NTNG1: variants seen among roughly 807,000 people sequenced by gnomAD.
NTNG1 encodes the protein netrin G1.
Under a neutral mutation model 54.0 loss-of-function variants are expected in NTNG1, and 16 were observed. The observed-to-expected ratio is 0.30, with a 90% confidence interval of 0.20 to 0.45. The LOEUF is 0.45. Ranked by LOEUF, NTNG1 falls within the 20% of genes least tolerant of loss-of-function variation. The pLI is 1.00. For synonymous variants in NTNG1, 255 were observed against 263.1 expected (o/e 0.97, Z 0.30); for missense variants, 530 against 678.7 (o/e 0.78, Z 2.43).
At chr1:107,377,837 A>T (rs1671394590) in intron 3 of NTNG1, among the ~76,000 whole-genome samples, 1 of 152,224 alleles carries the variant, frequency 6.6e-6, no homozygotes, top group Admixed American at 6.5e-5. Flanking sequence ...CAGAAAGCTT[A>T]CCATCTCAAG....
chr1:107,144,364 A>T (rs1570696178), intron 1 of NTNG1, among the ~76,000 whole-genome samples: 1 of 152,042 alleles, frequency 6.6e-6, no homozygotes, highest in Non-Finnish European at 1.5e-5. Flanking sequence ...TATTTCAGGT[A>T]CCCCTGAAAA....
At position 107,462,259 on chromosome 1, in the gene NTNG1, G is replaced by A. The variant is rs553936949; in HGVS notation, c.1391-18352G>A. ...AAGTAATAGCATTCACAGCATTCCA[G>A]CATATAGACCTCGAACAGAACATAA... is the stretch of plus-strand genomic sequence containing the variant. On this transcript the variant is annotated intron_variant, in intron 7 of 7. Coordinates refer to ENST00000370068, the MANE Select transcript of NTNG1 (RefSeq NM_001113226.3). Among the ~76,000 whole-genome samples the A allele has an allele frequency of 2.1e-4, 32 of 152,298 alleles. No homozygotes were observed. The South Asian group carries it at 5.6e-3, about 27-fold the overall frequency.
Position 107,148,430 on chromosome 1 carries a change from T to G in NTNG1, c.-164T>G. On this transcript the variant is annotated 5_prime_UTR_variant, in exon 2 of 8. Transcript: ENST00000370068. Reference sequence around the variant, plus strand: ...TATCTTAACTCTTCATATTTGGTTTTGGGATCTGCTTTGAGGTCCCATCTT... The same window carrying G: ...TATCTTAACTCTTCATATTTGGTTTGGGGATCTGCTTTGAGGTCCCATCTT... 1.6e-6 allele frequency: 1 copy of G among 633,472 alleles called. No individual in the cohort carries two copies. The highest frequency in any genetic ancestry group is 2.0e-5 in the South Asian group (1 of 50,472). The allele number at this position is 633,472 out of a possible 1,614,324, so 39.2% of individuals were successfully genotyped here.
rs561715707 is a variant in NTNG1, at chr1:107,483,166, C to G, written c.*2326C>G. 2.0e-5 allele frequency: 3 copies of G among 152,300 alleles called. No homozygotes were observed. In the East Asian group the frequency reaches 5.8e-4, roughly 29 times the overall value. 9.4% of individuals were successfully genotyped at this position (152,300 alleles called of 1,614,324 possible). A position where few individuals can be genotyped will look rare whatever the true frequency, so the allele number is the denominator to read the frequency against. On this transcript the variant is annotated 3_prime_UTR_variant, in exon 8 of 8. Coordinates refer to ENST00000370068, the MANE Select transcript of NTNG1 (RefSeq NM_001113226.3). ...TTGTCTTATAGTTTATTAGCACAAACCAAAGGCAGCCCATGTTATTTCTGG... is the reference window on the plus strand; with the variant it reads ...TTGTCTTATAGTTTATTAGCACAAAGCAAAGGCAGCCCATGTTATTTCTGG...
At chr1:107,175,089 C>G (rs1656546868) in intron 2 of NTNG1, among the ~76,000 whole-genome samples, 1 of 152,146 alleles carries the variant, frequency 6.6e-6, no homozygotes, top group South Asian at 2.1e-4. Flanking sequence ...ACGATTTTCA[C>G]AACCAAATTG....
In NTNG1 at chr1:107,343,444, T is replaced by C. The variant is rs553795012; in HGVS notation, c.887+18522T>C. On this transcript the variant is annotated intron_variant, in intron 3 of 7. Transcript: ENST00000370068. The stretch of plus-strand genomic sequence containing the variant: ...GAAGATCTTCAAGCCCACAATTTCT[T>C]TGAAGCCAAATGCAAGGTATGATTA... Among the ~76,000 whole-genome samples the C allele has an allele frequency of 2.6e-5, 4 of 152,110 alleles. No individual in the cohort carries two copies. In the East Asian group the frequency reaches 5.8e-4, roughly 22 times the overall value.
At chr1:107,309,662 T>C (rs532959631) in intron 2 of NTNG1, among the ~76,000 whole-genome samples, 12 of 152,274 alleles carry the variant, frequency 7.9e-5, no homozygotes, top group African/African-American at 2.2e-4. Flanking sequence ...ACTTCCAACA[T>C]TGGACTCAAC....
chr1:107,147,127 C>T (rs1469393926), intron 1 of NTNG1, among the ~76,000 whole-genome samples: 3 of 152,090 alleles, frequency 2.0e-5, no homozygotes, highest in Non-Finnish European at 4.4e-5. Flanking sequence ...CAGTTAAACT[C>T]ACCAATGACT....
intron 7 of NTNG1, among the ~76,000 whole-genome samples, chr1:107,453,274 C>T (rs558827424): frequency 6.6e-6 from 1 of 152,254 alleles, no homozygotes; most frequent in African/African-American, 2.4e-5. Flanking sequence ...TCTTTTTCAT[C>T]AAGAAGGCAA....
At chr1:107,245,963 T>C (rs1319720897) in intron 2 of NTNG1, among the ~76,000 whole-genome samples, 2 of 152,236 alleles carry the variant, frequency 1.3e-5, no homozygotes, top group Non-Finnish European at 2.9e-5. Flanking sequence ...CAAAATTTAT[T>C]TCATATATAT....
At chr1:107,472,266 C>T (rs530767789) in intron 7 of NTNG1, among the ~76,000 whole-genome samples, 2 of 152,338 alleles carry the variant, frequency 1.3e-5, no homozygotes, top group African/African-American at 2.4e-5. Flanking sequence ...GACTCTATTA[C>T]ACAAGACCAT....
chr1:107,312,162 A>G (rs1667055820), intron 2 of NTNG1, among the ~76,000 whole-genome samples: 1 of 152,196 alleles, frequency 6.6e-6, no homozygotes, highest in Non-Finnish European at 1.5e-5. Context: ...CAGAAGAAAT[A>G]TATTTTTAAA....
intron 2 of NTNG1, among the ~76,000 whole-genome samples, chr1:107,260,447 A>T (rs1328582957): frequency 6.6e-6 from 1 of 152,198 alleles, no homozygotes; most frequent in Non-Finnish European, 1.5e-5. Flanking sequence ...CTACCCTGCC[A>T]CCAACAATAG....
chr1:107,407,704 T>G lies in NTNG1; in HGVS notation c.1083T>G (p.Ile361Met). Residue 361 changes from isoleucine (I) to methionine (M), a missense_variant, in exon 5 of 8, where the codon ATT becomes ATG. Ile to Met is a conservative substitution (Grantham distance 10). Coordinates refer to ENST00000370068, the MANE Select transcript of NTNG1 (RefSeq NM_001113226.3). ...CAGGTATCCCCAGTATTTCCAGTAT[T>G]GGTAGTAAGTAAAAACAAAAACAAA... ...ANTCIPSISS[I>M]GNCECFGHSN... 1 of 1,609,692 alleles carries G rather than the reference T, an allele frequency of 6.2e-7. No individual in the cohort carries two copies. Among genetic ancestry groups the G allele is most frequent in the Non-Finnish European group, 8.5e-7 (1 of 1,177,228 alleles).
chr1:107,425,317 T>G (rs559615339), intron 5 of NTNG1, among the ~76,000 whole-genome samples: 1 of 152,188 alleles, frequency 6.6e-6, no homozygotes, highest in East Asian at 1.9e-4. Context: ...TACCAGTAGG[T>G]AATTTTTCAA....
At position 107,420,281 on chromosome 1, in the gene NTNG1, A is replaced by T. The variant is rs921659169; in HGVS notation, c.1088-10469A>T. 2.0e-5 allele frequency among the ~76,000 whole-genome samples: 3 copies of T among 152,218 alleles called. No individual in the cohort carries two copies. In the South Asian group the frequency reaches 6.2e-4, roughly 32 times the overall value. On this transcript the variant is annotated intron_variant, in intron 5 of 7. Transcript: ENST00000370068. ...TCTTAGAATGTGGATAATGAGTTCA[A>T]ATGAATCTATTGAGAAGCAGCACAG... is the stretch of plus-strand genomic sequence containing the variant.
At chr1:107,383,825 A>G (rs1671786508) in intron 3 of NTNG1, among the ~76,000 whole-genome samples, 1 of 152,196 alleles carries the variant, frequency 6.6e-6, no homozygotes, top group Non-Finnish European at 1.5e-5. Context: ...GGGCTGGAAT[A>G]CCCTAAACTT....
At chr1:107,295,564 A>T (rs1370686997) in intron 2 of NTNG1, among the ~76,000 whole-genome samples, 1 of 152,102 alleles carries the variant, frequency 6.6e-6, no homozygotes, top group African/African-American at 2.4e-5. Context: ...CTCTTCTTTG[A>T]ATTCGAGTTA....
chr1:107,195,345 T>C (rs532684235), intron 2 of NTNG1, among the ~76,000 whole-genome samples: 6 of 152,028 alleles, frequency 3.9e-5, no homozygotes, highest in Non-Finnish European at 8.8e-5. Flanking sequence ...CTAGTCATCA[T>C]CACCATTATC....
Sources: gnomAD v4.1 joint callset for allele counts (sites outside exome capture counted in the v4.1 genomes callset) on GRCh38, gnomAD v4.1.1 for gene constraint, MANE v1.5 for transcripts, NCBI Gene and HGNC (gene_info 2026-07-23, HGNC 2026-07-21) for gene names.